GRM7: variants seen among roughly 807,000 people sequenced by gnomAD.
GRM7 encodes the protein metabotropic glutamate receptor 7.
Under a neutral mutation model 84.5 loss-of-function variants are expected in GRM7, and 35 were observed. That is an observed-to-expected ratio of 0.41 (90% confidence interval 0.32 to 0.55). The LOEUF (loss-of-function observed/expected upper bound fraction) is 0.55. GRM7 is among the 20% of genes least tolerant of loss of function. The probability of loss-of-function intolerance (pLI) is 0.19; values close to 1 mark genes in which losing one functional copy is unlikely to be tolerated. For synonymous variants in GRM7, 487 were observed against 455.1 expected, an observed-to-expected ratio of 1.07 and a Z score of -0.89; for missense variants, 1,003 against 1,194.6, an observed-to-expected ratio of 0.84 and a Z score of 2.36.
intron 4 of GRM7, among the ~76,000 whole-genome samples, chr3:7,317,862 G>T (rs975707472): frequency 2.6e-5 from 4 of 151,954 alleles, no homozygotes; most frequent in Admixed American, 2.0e-4. Context: ...CAGGCTTCTT[G>T]AAGTTATGGG....
intron 2 of GRM7, among the ~76,000 whole-genome samples, chr3:7,229,907 T>G (rs1697136720): frequency 7.1e-6 from 1 of 139,972 alleles, no homozygotes; most frequent in African/African-American, 2.7e-5. Context: ...CGGGGCGATC[T>G]CAGCTCACTG....
intron 3 of GRM7, among the ~76,000 whole-genome samples, chr3:7,305,709 A>G (rs1700171684): frequency 6.6e-6 from 1 of 151,746 alleles, no homozygotes; most frequent in Non-Finnish European, 1.5e-5. Context: ...CAGCTTATTC[A>G]CAATCTTTGA....
chr3:6,870,484 G>A (rs1169084248), intron 1 of GRM7, among the ~76,000 whole-genome samples: 2 of 152,174 alleles, frequency 1.3e-5, no homozygotes, highest in Admixed American at 6.5e-5. Flanking sequence ...AGATGTGACG[G>A]GGCTAGTTCA....
chr3:7,297,257 G>C (rs1699846899), intron 2 of GRM7, among the ~76,000 whole-genome samples: 1 of 151,912 alleles, frequency 6.6e-6, no homozygotes, highest in Admixed American at 6.6e-5. Flanking sequence ...TGATGCATGG[G>C]TTATTTGGTA....
At chr3:7,075,553 TG>T (rs921944895) in intron 1 of GRM7, among the ~76,000 whole-genome samples, 10 of 144,530 alleles carry the variant, frequency 6.9e-5, no homozygotes, top group African/African-American at 2.6e-4. Flanking sequence ...TGTTTGGAGA[TG>T]GAGTCTCACT....
At chr3:7,220,688 T>A (rs1284825939) in intron 2 of GRM7, among the ~76,000 whole-genome samples, 1 of 152,238 alleles carries the variant, frequency 6.6e-6, no homozygotes, top group African/African-American at 2.4e-5. Context: ...AAGTGCTGCA[T>A]ATTAATTAAT....
chr3:6,901,244 T>C (rs1444563352), intron 1 of GRM7, among the ~76,000 whole-genome samples: 2 of 152,142 alleles, frequency 1.3e-5, no homozygotes, highest in African/African-American at 4.8e-5. Context: ...GAAGTACAAA[T>C]ATTAATAGAT....
rs564108767 is a variant in GRM7, at chr3:7,559,727, T to C, written c.1516-18695T>C. On this transcript the variant is annotated intron_variant, in intron 7 of 9. Transcript: ENST00000357716. ...AAATCAGTGGTCTTACCTAGTACAC[T>C]GATCAGCTAGGGCTGCCATAACAGA... is the stretch of plus-strand genomic sequence containing the variant. Among the ~76,000 whole-genome samples, 7 of 152,274 alleles carry C rather than the reference T, an allele frequency of 4.6e-5. No homozygotes were observed. In the South Asian group the frequency reaches 1.4e-3, roughly 32 times the overall value.
At chr3:7,258,990 C>A (rs1698309806) in intron 2 of GRM7, among the ~76,000 whole-genome samples, 2 of 152,222 alleles carry the variant, frequency 1.3e-5, no homozygotes, top group Non-Finnish European at 2.9e-5. Context: ...TCAAGGTGTG[C>A]ATTCTGCAGT....
At chr3:6,891,372 G>C (rs189790730) in intron 1 of GRM7, among the ~76,000 whole-genome samples, 267 of 152,248 alleles carry the variant, frequency 1.8e-3, no homozygotes, top group African/African-American at 6.3e-3. Context: ...GGCTGGTACC[G>C]GTTGTTGCTT....
intron 8 of GRM7, among the ~76,000 whole-genome samples, chr3:7,659,944 T>C (rs1478643165): frequency 6.6e-6 from 1 of 152,182 alleles, no homozygotes; most frequent in Non-Finnish European, 1.5e-5. Context: ...TGGTACATTA[T>C]TTCATGGGAG....
chr3:7,126,407 T>C (rs990505109), intron 1 of GRM7, among the ~76,000 whole-genome samples: 1 of 152,182 alleles, frequency 6.6e-6, no homozygotes, highest in Non-Finnish European at 1.5e-5. Flanking sequence ...AATGTGTTAA[T>C]TGCCGTGCTC....
intron 1 of GRM7, among the ~76,000 whole-genome samples, chr3:6,899,795 C>T (rs1559316699): frequency 6.6e-6 from 1 of 152,136 alleles, no homozygotes; most frequent in South Asian, 2.1e-4. Context: ...GCCTAAACAT[C>T]AAGATGTTCA....
chr3:7,102,493 T>A (rs1699145653), intron 1 of GRM7, among the ~76,000 whole-genome samples: 1 of 151,792 alleles, frequency 6.6e-6, no homozygotes, highest in Admixed American at 6.6e-5. Flanking sequence ...GGCTATGATG[T>A]GCCCTCATAC....
chr3:7,002,258 CT>C (rs1559377818), intron 1 of GRM7, among the ~76,000 whole-genome samples: 1 of 152,100 alleles, frequency 6.6e-6, no homozygotes, highest in African/African-American at 2.4e-5. Flanking sequence ...GTCTCCCAAG[CT>C]TTTTAGATTT....
chr3:6,878,483 T>A (rs538341665), intron 1 of GRM7, among the ~76,000 whole-genome samples: 5 of 151,516 alleles, frequency 3.3e-5, no homozygotes, highest in Non-Finnish European at 5.9e-5. Context: ...TCTAGTTTAA[T>A]GAGCAAATGC....
intron 2 of GRM7, among the ~76,000 whole-genome samples, chr3:7,295,314 A>T (rs1407588641): frequency 6.6e-6 from 1 of 152,112 alleles, no homozygotes; most frequent in Non-Finnish European, 1.5e-5. Context: ...TTGTGTTGGT[A>T]TACTTCTGAG....
chr3:7,303,583 T>A (rs1246477130), intron 3 of GRM7, among the ~76,000 whole-genome samples: 1 of 152,250 alleles, frequency 6.6e-6, no homozygotes, highest in African/African-American at 2.4e-5. Flanking sequence ...CAGCATCAAG[T>A]ATTTTTTCTA....
chr3:7,521,582 A>G (rs73017863), intron 7 of GRM7, among the ~76,000 whole-genome samples: 2 of 152,326 alleles, frequency 1.3e-5, no homozygotes, highest in African/African-American at 2.4e-5. Context: ...CTTTGGAACT[A>G]TGAGAACTAC....
Sources: gnomAD v4.1 joint callset for allele counts (sites outside exome capture counted in the v4.1 genomes callset) on GRCh38, gnomAD v4.1.1 for gene constraint, MANE v1.5 for transcripts, NCBI Gene and HGNC (gene_info 2026-07-23, HGNC 2026-07-21) for gene names.